The following CGGBP1 variants were observed in gnomAD, a reference collection of about 807,000 sequenced individuals.
CGGBP1 encodes CGG triplet repeat-binding protein 1.
Under a neutral mutation model 11.4 loss-of-function variants are expected in CGGBP1, and 4 were observed. The ratio of observed to expected loss-of-function variants is 0.35; its 90% CI spans 0.17 to 0.80. The LOEUF (loss-of-function observed/expected upper bound fraction) is 0.80, where lower values mean the gene tolerates loss of function less well. Among genes scored for constraint, CGGBP1 ranks in the 30% least tolerant of loss-of-function variants. The pLI is 0.52. For missense variants in CGGBP1, 135 were observed against 202.1 expected (o/e 0.67, Z 2.01); for synonymous variants, 76 against 74.1 (o/e 1.03, Z -0.13).
At chr3:88,098,087 GACT>G (rs1441951822) in intron 2 of CGGBP1, among the ~76,000 whole-genome samples, 10 of 152,068 alleles carry the variant, frequency 6.6e-5, no homozygotes, top group African/African-American at 1.7e-4. Context: ...CTGCTAGCAA[GACT>G]AATAAAGAAG....
At chr3:88,146,910 C>T (rs1707323270) in intron 1 of CGGBP1, among the ~76,000 whole-genome samples, 1 of 152,132 alleles carries the variant, frequency 6.6e-6, no homozygotes, top group Non-Finnish European at 1.5e-5. Flanking sequence ...CTATCATGCC[C>T]TTCAAGCCAC....
intron 2 of CGGBP1, among the ~76,000 whole-genome samples, chr3:88,067,798 A>G (rs1435478773): frequency 6.6e-6 from 1 of 152,156 alleles, no homozygotes; most frequent in African/African-American, 2.4e-5. Context: ...AGGAATAGAC[A>G]GTAAGTACAA....
intron 2 of CGGBP1, among the ~76,000 whole-genome samples, chr3:88,077,762 G>A (rs1312084510): frequency 6.6e-6 from 1 of 152,136 alleles, no homozygotes; most frequent in African/African-American, 2.4e-5. Context: ...AGTCACAACT[G>A]ATTTTAAATA....
At chr3:88,059,531 C>T (rs1444699501), upstream of CGGBP1, 3 of 1,459,218 alleles carry the variant, frequency 2.1e-6, no homozygotes, top group Non-Finnish European at 2.7e-6. Context: ...GCCGCCCCGA[C>T]TTGTCACCCG....
At chr3:88,144,604 T>A (rs1707269233) in intron 1 of CGGBP1, 1 of 152,414 alleles carries the variant, frequency 6.6e-6, no homozygotes, top group African/African-American at 2.4e-5. Context: ...GTGTCTCATT[T>A]CAAGAAATTT....
chr3:88,072,180 G>A (rs1707553089), intron 2 of CGGBP1, among the ~76,000 whole-genome samples: 1 of 152,162 alleles, frequency 6.6e-6, no homozygotes, highest in Non-Finnish European at 1.5e-5. Context: ...GAATTATCTA[G>A]TAAGGGAGAA....
At chr3:88,130,886 T>C (rs1178971786) in intron 2 of CGGBP1, among the ~76,000 whole-genome samples, 7 of 152,128 alleles carry the variant, frequency 4.6e-5, no homozygotes, top group African/African-American at 1.7e-4. Flanking sequence ...TTTAGTTAGA[T>C]TATGCTAATT....
intron 1 of CGGBP1, among the ~76,000 whole-genome samples, chr3:88,145,686 C>G (rs886341492): frequency 1.3e-5 from 2 of 152,044 alleles, no homozygotes; most frequent in South Asian, 2.1e-4. Context: ...TTAACTACAT[C>G]AAGATTTGAA....
chr3:88,140,103 C>T (rs1396366237), intron 2 of CGGBP1: 2 of 1,613,738 alleles, frequency 1.2e-6, no homozygotes, highest in Non-Finnish European at 1.7e-6. Context: ...ACATAGCTAT[C>T]CAAATGTGTA....
chr3:88,122,101 G>T (rs1481987462), intron 2 of CGGBP1, among the ~76,000 whole-genome samples: 1 of 152,160 alleles, frequency 6.6e-6, no homozygotes, highest in African/African-American at 2.4e-5. Flanking sequence ...GGCAGGAGAA[G>T]AAATTAAGTT....
upstream of CGGBP1, among the ~76,000 whole-genome samples, chr3:88,062,403 G>A (rs1431664893): frequency 6.6e-6 from 1 of 152,144 alleles, no homozygotes; most frequent in Non-Finnish European, 1.5e-5. Context: ...TGTTGCAAGT[G>A]ATGTGAAAGG....
At chr3:88,085,091 A>G (rs1179725663) in intron 2 of CGGBP1, among the ~76,000 whole-genome samples, 1 of 152,182 alleles carries the variant, frequency 6.6e-6, no homozygotes, top group Non-Finnish European at 1.5e-5. Context: ...GAAAAATTGT[A>G]GAAATGTGAG....
intron 1 of CGGBP1, chr3:88,141,673 C>G (rs921202280): frequency 6.7e-7 from 1 of 1,499,762 alleles, no homozygotes. Context: ...TCAGAAAGAT[C>G]TGTCAATCAA....
At chr3:88,140,992 C>T (rs2107899287) in exon 2 of CGGBP1, 1 of 1,612,516 alleles carries the variant, frequency 6.2e-7, no homozygotes, top group Non-Finnish European at 8.5e-7. Flanking sequence ...GCACTTGAGG[C>T]TCATCTTGCA....
At chr3:88,126,382 GGAGT>G (rs1706097775) in intron 2 of CGGBP1, 1 of 1,109,484 alleles carries the variant, frequency 9.0e-7, no homozygotes. Context: ...CTGAATAATG[GGAGT>G]GATGTATTTT....
chr3:88,112,748 C>A (rs775581192), intron 2 of CGGBP1, among the ~76,000 whole-genome samples: 1 of 151,844 alleles, frequency 6.6e-6, no homozygotes, highest in African/African-American at 2.4e-5. Context: ...TCTCTGGAGT[C>A]CCATTATATT....
At chr3:88,121,782 C>T (rs538696730) in intron 2 of CGGBP1, among the ~76,000 whole-genome samples, 2 of 152,158 alleles carry the variant, frequency 1.3e-5, no homozygotes, top group Non-Finnish European at 2.9e-5. Flanking sequence ...ATATTGAAGA[C>T]CTTTTACATT....
chr3:88,145,659 A>C (rs1707298887), intron 1 of CGGBP1, among the ~76,000 whole-genome samples: 1 of 152,202 alleles, frequency 6.6e-6, no homozygotes. Flanking sequence ...TCAATTGATA[A>C]AACAGGGACA....
chr3:88,125,130 G>A (rs564809342), intron 2 of CGGBP1, among the ~76,000 whole-genome samples: 2 of 151,372 alleles, frequency 1.3e-5, no homozygotes, highest in Admixed American at 6.6e-5. Context: ...CAGGAGAATC[G>A]CTTGAACCTG....
Sources: allele counts gnomAD v4.1 joint callset (sites outside exome capture counted in the v4.1 genomes callset), GRCh38; gene constraint gnomAD v4.1.1; transcripts MANE v1.5; gene names NCBI Gene and HGNC (gene_info 2026-07-23, HGNC 2026-07-21).